The following TMEFF2 variants were observed in gnomAD, a reference collection of about 807,000 sequenced individuals.
TMEFF2 encodes the protein transmembrane protein with EGF like and two follistatin like domains 2, also known as tomoregulin-2.
TMEFF2 carries 28 observed loss-of-function variants against 53.8 expected under a neutral mutation model. The observed-to-expected ratio is 0.52, with a 90% confidence interval of 0.39 to 0.71. The LOEUF is 0.71. Among genes scored for constraint, TMEFF2 ranks in the 30% least tolerant of loss-of-function variants. TMEFF2 has a pLI of 0.00. For synonymous variants in TMEFF2, 162 were observed against 166.3 expected, an observed-to-expected ratio of 0.97 and a Z score of 0.20; for missense variants, 353 against 455.2, an observed-to-expected ratio of 0.78 and a Z score of 2.04.
intron 4 of TMEFF2, among the ~76,000 whole-genome samples, chr2:192,084,223 G>A (rs191115564): frequency 1.3e-5 from 2 of 152,194 alleles, no homozygotes; most frequent in Admixed American, 1.3e-4. Context: ...GATTTGGAAG[G>A]CTGATTTTTT....
rs34545329 is a variant in TMEFF2, at chr2:191,990,763, G to GGTGTGT, written c.745+7493_745+7498dup. ...AACATTTGTTTTGATCTCTTTGCGG[G>GGTGTGT]GTGTGTGTGTGTGTGTGTGTGTGTG... On this transcript the variant is annotated intron_variant, in intron 7 of 9. Transcript: ENST00000272771. Among the ~76,000 whole-genome samples, 416 of 134,706 alleles carry GGTGTGT rather than the reference G, an allele frequency of 3.1e-3. 2 individuals carry two copies. Among genetic ancestry groups the GGTGTGT allele is most frequent in the African/African-American group, 9.0e-3 (333 of 36,852 alleles). The allele number at this position is 134,706 out of a possible 152,430, so 88.4% of individuals were successfully genotyped here.
intron 5 of TMEFF2, among the ~76,000 whole-genome samples, chr2:192,001,464 A>G (rs1686357126): frequency 6.6e-6 from 1 of 152,194 alleles, no homozygotes; most frequent in African/African-American, 2.4e-5. Context: ...ATATATATAT[A>G]GACAGAAAGT....
intron 7 of TMEFF2, among the ~76,000 whole-genome samples, chr2:191,995,633 T>A (rs1036222728): frequency 2.0e-5 from 3 of 152,058 alleles, no homozygotes; most frequent in African/African-American, 7.2e-5. Context: ...CAGGAAACTG[T>A]AAATACTATT....
Position 191,953,698 on chromosome 2 carries a change from C to T in TMEFF2, c.1009G>A (p.Val337Met), listed in dbSNP as rs749963778. Reference sequence around the variant, plus strand: ...ACTGACCTTGTGATGCAGAGGACCACCACACAGATGACAGCAATCTGAATT... The same window carrying T: ...ACTGACCTTGTGATGCAGAGGACCATCACACAGATGACAGCAATCTGAATT... Reference protein sequence around the residue: ...GTIQIAVICVVVLCITRKCPR... With the variant: ...GTIQIAVICVMVLCITRKCPR... The change falls in exon 9 of 10, where the codon GTG becomes ATG. Residue 337 changes from valine (V) to methionine (M), a missense_variant. Coordinates refer to ENST00000272771, the MANE Select transcript of TMEFF2 (RefSeq NM_016192.4). The T allele has an allele frequency of 1.2e-6, 2 of 1,613,884 alleles. No individual in the cohort carries two copies. The highest frequency in any genetic ancestry group is 1.7e-6 in the Non-Finnish European group (2 of 1,179,894).
intron 5 of TMEFF2, among the ~76,000 whole-genome samples, chr2:192,009,322 T>C (rs189063039): frequency 9.2e-5 from 14 of 152,238 alleles, no homozygotes; most frequent in Admixed American, 9.2e-4. Flanking sequence ...ATTTCACAAG[T>C]TTCAATAGAT....
Position 192,114,064 on chromosome 2 carries a change from T to TTGTGTGTG in TMEFF2, c.440-56297_440-56290dup, listed in dbSNP as rs34553641. On this transcript the variant is annotated intron_variant, in intron 4 of 9. Coordinates refer to ENST00000272771, the MANE Select transcript of TMEFF2 (RefSeq NM_016192.4). Reference sequence around the variant, plus strand: ...AACAATATTGAATAAAATCTGGAAATTGTGTGTGTGTGTGTGTGTGTGTGT... The same window carrying TTGTGTGTG: ...AACAATATTGAATAAAATCTGGAAATTGTGTGTGTGTGTGTGTGTGTGTGTGTGTGTGT... 4.8e-3 allele frequency among the ~76,000 whole-genome samples: 690 copies of TTGTGTGTG among 143,158 alleles called. 4 individuals are homozygous for TTGTGTGTG. The highest frequency in any genetic ancestry group is 0.015 in the African/African-American group (594 of 39,016). The allele number at this position is 143,158 out of a possible 152,430, so 93.9% of individuals were successfully genotyped here. A position where few individuals can be genotyped will look rare whatever the true frequency, so the allele number is the denominator to read the frequency against.
At chr2:192,040,269 G>T (rs931385589) in intron 5 of TMEFF2, among the ~76,000 whole-genome samples, 1 of 151,920 alleles carries the variant, frequency 6.6e-6, no homozygotes, top group Non-Finnish European at 1.5e-5. Context: ...CTTAGCCTTG[G>T]TTTTCCTTTA....
intron 4 of TMEFF2, among the ~76,000 whole-genome samples, chr2:192,174,993 G>T (rs1359358945): frequency 6.6e-6 from 1 of 151,658 alleles, no homozygotes; most frequent in Admixed American, 6.6e-5. Context: ...GTTATTTACA[G>T]TATATTTAAC....
intron 5 of TMEFF2, among the ~76,000 whole-genome samples, chr2:192,040,701 A>G (rs539753667): frequency 3.3e-5 from 5 of 152,244 alleles, no homozygotes; most frequent in African/African-American, 1.2e-4. Flanking sequence ...AACCATAGAA[A>G]CCTTATAGAG....
intron 9 of TMEFF2, among the ~76,000 whole-genome samples, chr2:191,951,428 A>G (rs1339155996): frequency 7.3e-6 from 1 of 137,326 alleles, no homozygotes; most frequent in Non-Finnish European, 1.7e-5. Context: ...AAGAGAAAAG[A>G]TTTTTTTAAA....
rs376029769 is a variant in TMEFF2, at chr2:191,999,163, G to A, written c.582C>T (p.Leu194=). 12 of 1,611,702 alleles carry A rather than the reference G, an allele frequency of 7.4e-6. No homozygotes were observed. The African/African-American group carries it at 1.5e-4, about 20-fold the overall frequency. ...CATAAGATTTCCCATCAGAAGCGCA[G>A]AGGGGATTGAAGTTGGTTTGAGAAC... The part of the protein sequence containing the change: ...IDCSQTNFNP[L]CASDGKSYDN... Residue 194 remains leucine (L), a synonymous_variant, in exon 6 of 10, where the codon CTC becomes CTT. Transcript: ENST00000272771.
At chr2:192,079,674 A>G (rs1688509399) in intron 4 of TMEFF2, among the ~76,000 whole-genome samples, 1 of 152,214 alleles carries the variant, frequency 6.6e-6, no homozygotes, top group Non-Finnish European at 1.5e-5. Flanking sequence ...TCCAAATTTT[A>G]TATTCCTCAG....
chr2:192,009,468 A>G (rs976100296), intron 5 of TMEFF2, among the ~76,000 whole-genome samples: 1 of 152,188 alleles, frequency 6.6e-6, no homozygotes, highest in East Asian at 1.9e-4. Flanking sequence ...TTATACTGCT[A>G]TAATTGAGTA....
At chr2:192,110,383 T>G (rs1689245767) in intron 4 of TMEFF2, among the ~76,000 whole-genome samples, 1 of 152,006 alleles carries the variant, frequency 6.6e-6, no homozygotes, top group East Asian at 1.9e-4. Context: ...TAGACAATTA[T>G]AAACAAGAGA....
At chr2:192,054,039 G>C (rs564406541) in intron 5 of TMEFF2, among the ~76,000 whole-genome samples, 15 of 151,848 alleles carry the variant, frequency 9.9e-5, no homozygotes, top group East Asian at 3.9e-4. Context: ...TTTTGTTCTT[G>C]TCTTGGAAGT....
intron 4 of TMEFF2, among the ~76,000 whole-genome samples, chr2:192,169,461 A>G (rs1690853785): frequency 6.6e-6 from 1 of 152,112 alleles, no homozygotes; most frequent in African/African-American, 2.4e-5. Flanking sequence ...CCAGGAACTG[A>G]ACCAGTTCTG....
chr2:191,949,687 C>T lies in TMEFF2; in HGVS notation c.*624G>A. 2 of 985,384 alleles carry T rather than the reference C, an allele frequency of 2.0e-6. No individual in the cohort carries two copies. The highest frequency in any genetic ancestry group is 2.4e-6 in the Non-Finnish European group (2 of 829,932). The allele number at this position is 985,384 out of a possible 1,614,324, so 61.0% of individuals were successfully genotyped here. ...ATGAGTTATAAAACACTTTCCCTCC[C>T]CTTCTTCTTTTATTTAGTTTATATG... On this transcript the variant is annotated 3_prime_UTR_variant, in exon 10 of 10. Transcript: ENST00000272771.
intron 5 of TMEFF2, chr2:192,031,489 A>C (rs1033676081): frequency 4.6e-5 from 7 of 152,214 alleles, no homozygotes; most frequent in African/African-American, 1.7e-4. Context: ...AGATAAGTGC[A>C]TTGTAATTGA....
chr2:192,090,393 A>G lies in TMEFF2; in HGVS notation c.440-32618T>C, dbSNP rs572176348. Among the ~76,000 whole-genome samples the G allele has an allele frequency of 2.6e-5, 4 of 152,308 alleles. No homozygotes were observed. In the South Asian group the frequency reaches 8.3e-4, roughly 32 times the overall value. ...GGAAAAAATGTACTAGTCCATTCAT[A>G]AAGTCCTTTGGCATCATGACATGTC... On this transcript the variant is annotated intron_variant, in intron 4 of 9. Transcript: ENST00000272771.
Sources: allele counts gnomAD v4.1 joint callset (sites outside exome capture counted in the v4.1 genomes callset), GRCh38; gene constraint gnomAD v4.1.1; transcripts MANE v1.5; gene names NCBI Gene and HGNC (gene_info 2026-07-23, HGNC 2026-07-21).